The following GRIN2A variants were observed in gnomAD, a reference collection of about 807,000 sequenced individuals.
GRIN2A encodes glutamate receptor ionotropic, NMDA 2A.
In GRIN2A, 22 loss-of-function variants were observed where a neutral mutation model predicts 113.4. The ratio of observed to expected loss-of-function variants is 0.19; its 90% CI spans 0.14 to 0.28. The LOEUF is 0.28. Ranked by LOEUF, GRIN2A falls within the 10% of genes least tolerant of loss-of-function variation. GRIN2A has a pLI of 1.00. For missense variants in GRIN2A, 1,502 were observed against 1,887.0 expected (o/e 0.80, Z 3.78); for synonymous variants, 827 against 738.4 (o/e 1.12, Z -1.94).
chr16:9,956,250 T>C (rs1261255835), intron 2 of GRIN2A, among the ~76,000 whole-genome samples: 1 of 152,246 alleles, frequency 6.6e-6, no homozygotes, highest in African/African-American at 2.4e-5. Flanking sequence ...GTTATTTTCA[T>C]GTTTTAACTT....
At chr16:9,967,598 G>C (rs1452288683) in intron 2 of GRIN2A, among the ~76,000 whole-genome samples, 1 of 152,082 alleles carries the variant, frequency 6.6e-6, no homozygotes, top group African/African-American at 2.4e-5. Flanking sequence ...TCAGCTACTT[G>C]GGGAGGCTGA....
chr16:9,786,071 A>T (rs1902212826), intron 11 of GRIN2A, among the ~76,000 whole-genome samples: 1 of 152,168 alleles, frequency 6.6e-6, no homozygotes, highest in African/African-American at 2.4e-5. Context: ...AGCCCAGCTC[A>T]TCCCCAACTG....
intron 2 of GRIN2A, among the ~76,000 whole-genome samples, chr16:9,991,585 T>C (rs1381088506): frequency 6.6e-6 from 1 of 152,192 alleles, no homozygotes; most frequent in Admixed American, 6.5e-5. Context: ...CAGTGTCTAT[T>C]ATGCCACCCT....
intron 4 of GRIN2A, among the ~76,000 whole-genome samples, chr16:9,872,882 TAAA>T (rs1207605408): frequency 3.3e-5 from 3 of 90,646 alleles, no homozygotes; most frequent in Non-Finnish European, 7.6e-5. Context: ...CAAAACAAAA[TAAA>T]AACAAAAAAA....
intron 3 of GRIN2A, among the ~76,000 whole-genome samples, chr16:9,909,171 T>G (rs2044085614): frequency 6.6e-6 from 1 of 152,192 alleles, no homozygotes; most frequent in Admixed American, 6.5e-5. Flanking sequence ...AAAGAGTTTG[T>G]GCAGGGAAAC....
At chr16:9,833,910 G>T (rs1419476247) in intron 8 of GRIN2A, among the ~76,000 whole-genome samples, 195 bp downstream of exon 8, 1 of 152,056 alleles carries the variant, frequency 6.6e-6, no homozygotes, top group African/African-American at 2.4e-5. Flanking sequence ...AGTAGAGATG[G>T]GTTTCACCAT....
At position 9,994,797 on chromosome 16, in the gene GRIN2A, C is replaced by T. The variant is rs375223914; in HGVS notation, c.415-56246G>A. ...ACCATCTCCATTGGAACTCCTTTAC[C>T]CTGAAAGTGCTTTTTCCAGTGTCTC... On this transcript the variant is annotated intron_variant, in intron 2 of 12. Transcript: ENST00000330684. Among the ~76,000 whole-genome samples, 5 of 152,104 alleles carry T rather than the reference C, an allele frequency of 3.3e-5. No individual in the cohort carries two copies. The South Asian group carries it at 8.3e-4, about 25-fold the overall frequency.
At chr16:9,768,197 A>G (rs1901036295) in intron 12 of GRIN2A, among the ~76,000 whole-genome samples, 1 of 152,022 alleles carries the variant, frequency 6.6e-6, no homozygotes, top group South Asian at 2.1e-4. Context: ...GGTAGCTGGG[A>G]CTACAGGCGC....
chr16:10,179,134 GC>G (rs1490707943), intron 2 of GRIN2A, among the ~76,000 whole-genome samples: 2 of 151,894 alleles, frequency 1.3e-5, no homozygotes, highest in Non-Finnish European at 2.9e-5. Context: ...CCAAACCAAA[GC>G]TCCCAGGCTG....
At chr16:9,986,662 G>A (rs1365312329) in intron 2 of GRIN2A, among the ~76,000 whole-genome samples, 1 of 151,376 alleles carries the variant, frequency 6.6e-6, no homozygotes, top group African/African-American at 2.4e-5. Flanking sequence ...CTACTTGGGA[G>A]GCTGAGGCAA....
intron 2 of GRIN2A, among the ~76,000 whole-genome samples, chr16:10,010,242 T>C (rs2046481039): frequency 6.6e-6 from 1 of 152,234 alleles, no homozygotes; most frequent in African/African-American, 2.4e-5. Context: ...ATATCTAGCT[T>C]TTACTTTGTA....
chr16:9,909,280 G>T (rs1290352836), intron 3 of GRIN2A, among the ~76,000 whole-genome samples: 1 of 152,188 alleles, frequency 6.6e-6, no homozygotes, highest in Non-Finnish European at 1.5e-5. Context: ...CCTCCCACCA[G>T]GTCCTTCCCA....
chr16:9,843,116 G>T (rs1417102495), intron 5 of GRIN2A, among the ~76,000 whole-genome samples: 1 of 151,844 alleles, frequency 6.6e-6, no homozygotes, highest in Non-Finnish European at 1.5e-5. Context: ...AGGAGGAAAC[G>T]AGGAAAGGAA....
chr16:10,170,497 C>G (rs2050019666), intron 2 of GRIN2A, among the ~76,000 whole-genome samples: 1 of 152,210 alleles, frequency 6.6e-6, no homozygotes, highest in Non-Finnish European at 1.5e-5. Flanking sequence ...GTAATCTCAT[C>G]ACACAATAAA....
intron 2 of GRIN2A, among the ~76,000 whole-genome samples, chr16:10,116,781 A>C (rs532834069): frequency 1.2e-3 from 176 of 152,322 alleles, no homozygotes; most frequent in African/African-American, 4.1e-3. Flanking sequence ...AGCAGCAAAG[A>C]AGCCAGGGTA....
chr16:9,807,588 G>A (rs1424093121), intron 10 of GRIN2A, among the ~76,000 whole-genome samples: 4 of 152,078 alleles, frequency 2.6e-5, no homozygotes, highest in Admixed American at 6.5e-5. Context: ...TAAATGTAAC[G>A]TTGGACCCAA....
intron 11 of GRIN2A, among the ~76,000 whole-genome samples, chr16:9,792,280 T>G (rs2141212035): frequency 6.6e-6 from 1 of 152,262 alleles, no homozygotes; most frequent in South Asian, 2.1e-4. Context: ...TGCAGTGCAG[T>G]GACATGATCA....
intron 9 of GRIN2A, 113 bp from the exon 10 acceptor site, chr16:9,822,537 A>G (rs1227977139): frequency 1.3e-6 from 1 of 758,422 alleles, no homozygotes; most frequent in African/African-American, 1.7e-5. Context: ...GTTAGGAGGT[A>G]AATGCATGCA....
intron 11 of GRIN2A, among the ~76,000 whole-genome samples, chr16:9,784,543 G>A (rs1278902876): frequency 1.5e-4 from 23 of 151,704 alleles, no homozygotes; most frequent in Non-Finnish European, 2.9e-4. Context: ...AGGACTTCAT[G>A]TCTAAAACAC....
Sources: allele counts gnomAD v4.1 joint callset (sites outside exome capture counted in the v4.1 genomes callset), GRCh38; gene constraint gnomAD v4.1.1; transcripts MANE v1.5; gene names NCBI Gene and HGNC (gene_info 2026-07-23, HGNC 2026-07-21).